The following PKN2 variants were observed in gnomAD, a reference collection of about 807,000 sequenced individuals.
PKN2 encodes serine/threonine-protein kinase N2.
PKN2 carries 38 observed loss-of-function variants against 119.1 expected under a neutral mutation model. The ratio of observed to expected loss-of-function variants is 0.32; its 90% CI spans 0.25 to 0.42. The LOEUF is 0.42. Ranked by LOEUF, PKN2 falls within the 10% of genes least tolerant of loss-of-function variation. The probability of loss-of-function intolerance (pLI) is 1.00; values close to 1 mark genes in which losing one functional copy is unlikely to be tolerated. For synonymous variants in PKN2, 390 were observed against 384.9 expected (o/e 1.01, Z -0.15); for missense variants, 850 against 1,165.1 (o/e 0.73, Z 3.94).
At chr1:88,795,556 T>C (rs1035353851) in intron 8 of PKN2, among the ~76,000 whole-genome samples, 4 of 152,230 alleles carry the variant, frequency 2.6e-5, no homozygotes, top group Admixed American at 1.3e-4. Context: ...AAAAACCTTA[T>C]GTATAGTGTC....
intron 1 of PKN2, among the ~76,000 whole-genome samples, chr1:88,737,476 G>C (rs1668400044): frequency 6.6e-6 from 1 of 151,872 alleles, no homozygotes; most frequent in Admixed American, 6.6e-5. Context: ...CACTCTCCAA[G>C]CTGTGCTGCC....
At chr1:88,798,014 A>G (rs561898929) in intron 8 of PKN2, among the ~76,000 whole-genome samples, 6 of 152,278 alleles carry the variant, frequency 3.9e-5, no homozygotes, top group Admixed American at 3.9e-4. Context: ...TTTAAGAAGA[A>G]TTTTTAAAAA....
chr1:88,819,402 C>A (rs1397312830), intron 16 of PKN2, among the ~76,000 whole-genome samples: 1 of 152,060 alleles, frequency 6.6e-6, no homozygotes, highest in Non-Finnish European at 1.5e-5. Context: ...ATCCAAAAAA[C>A]ATATGAAAAA....
intron 1 of PKN2, among the ~76,000 whole-genome samples, chr1:88,735,031 A>G (rs999984882): frequency 2.6e-5 from 4 of 152,202 alleles, no homozygotes; most frequent in Non-Finnish European, 5.9e-5. Context: ...TGCTTTATGT[A>G]TCACATTTAT....
intron 8 of PKN2, among the ~76,000 whole-genome samples, chr1:88,793,982 A>G (rs565870732): frequency 6.6e-6 from 1 of 152,284 alleles, no homozygotes; most frequent in South Asian, 2.1e-4. Context: ...ATAATATACC[A>G]CTATTTAAAC....
intron 8 of PKN2, among the ~76,000 whole-genome samples, chr1:88,792,032 GT>G (rs1016191513): frequency 1.3e-5 from 2 of 152,196 alleles, no homozygotes; most frequent in Non-Finnish European, 2.9e-5. Context: ...CTGAGATACT[GT>G]TTTTTAACTT....
At chr1:88,773,239 A>G (rs111762493) in intron 6 of PKN2, among the ~76,000 whole-genome samples, 5,939 of 147,288 alleles carry the variant, frequency 0.04, 257 homozygotes, top group African/African-American at 0.11. Context: ...TTTTTTTTTA[A>G]TTCATTTTTA....
chr1:88,804,735 G>T (rs1303013872), intron 9 of PKN2, 111 bp from the exon 10 acceptor site: 1 of 754,414 alleles, frequency 1.3e-6, no homozygotes, highest in Non-Finnish European at 2.2e-6. Context: ...AGAAAATGAG[G>T]GGCTGGACTA....
At chr1:88,704,311 T>C (rs1666889315) in intron 1 of PKN2, among the ~76,000 whole-genome samples, 1 of 152,226 alleles carries the variant, frequency 6.6e-6, no homozygotes, top group Non-Finnish European at 1.5e-5. Flanking sequence ...TGCTGCAGTA[T>C]GTATCGGTAG....
intron 2 of PKN2, among the ~76,000 whole-genome samples, chr1:88,748,165 A>T (rs895441260): frequency 6.6e-6 from 1 of 152,158 alleles, no homozygotes; most frequent in Non-Finnish European, 1.5e-5. Context: ...GAATTTTAAG[A>T]TGAATTCATC....
chr1:88,730,210 A>G (rs1203147804), intron 1 of PKN2, among the ~76,000 whole-genome samples: 3 of 152,156 alleles, frequency 2.0e-5, no homozygotes, highest in African/African-American at 7.2e-5. Flanking sequence ...AGGGCCCTAT[A>G]TGATCTTGCC....
intron 1 of PKN2, among the ~76,000 whole-genome samples, chr1:88,725,084 T>A (rs1011285369): frequency 6.6e-6 from 1 of 152,038 alleles, no homozygotes; most frequent in Non-Finnish European, 1.5e-5. Flanking sequence ...AGTAGCATGC[T>A]GTTTTGTGAA....
chr1:88,711,660 A>G (rs2100686550), intron 1 of PKN2, among the ~76,000 whole-genome samples: 1 of 152,282 alleles, frequency 6.6e-6, no homozygotes, highest in African/African-American at 2.4e-5. Flanking sequence ...ATGTATATGT[A>G]TTTGGAATGT....
chr1:88,808,684 C>A (rs1167214290), intron 15 of PKN2, among the ~76,000 whole-genome samples: 3 of 152,086 alleles, frequency 2.0e-5, no homozygotes, highest in Non-Finnish European at 4.4e-5. Flanking sequence ...AAATGACTAT[C>A]TTAATACAGA....
At chr1:88,696,588 A>G (rs369094207) in intron 1 of PKN2, among the ~76,000 whole-genome samples, 1 of 152,160 alleles carries the variant, frequency 6.6e-6, no homozygotes, top group African/African-American at 2.4e-5. Context: ...TCACAATTCT[A>G]AATTCTTAGA....
chr1:88,762,043 A>G (rs1194829894), intron 3 of PKN2, among the ~76,000 whole-genome samples: 3 of 152,038 alleles, frequency 2.0e-5, no homozygotes, highest in Non-Finnish European at 4.4e-5. Flanking sequence ...GGGTGGATGG[A>G]TTAGTTTGAG....
chr1:88,707,500 G>A (rs1288794550), intron 1 of PKN2, among the ~76,000 whole-genome samples: 2 of 151,940 alleles, frequency 1.3e-5, no homozygotes, highest in Non-Finnish European at 2.9e-5. Context: ...CACAAACAAT[G>A]GTATGACAAA....
chr1:88,743,043 T>C (rs1488978228), intron 2 of PKN2, among the ~76,000 whole-genome samples: 4 of 151,998 alleles, frequency 2.6e-5, no homozygotes, highest in Non-Finnish European at 4.4e-5. Flanking sequence ...ATACGAAAAT[T>C]AGTCGACGTG....
At chr1:88,814,871 A>G (rs1246130665) in intron 16 of PKN2, among the ~76,000 whole-genome samples, 1 of 152,218 alleles carries the variant, frequency 6.6e-6, no homozygotes. Context: ...CTGATGAAAT[A>G]GCAACTGACA....
Sources: allele counts gnomAD v4.1 joint callset (sites outside exome capture counted in the v4.1 genomes callset), GRCh38; gene constraint gnomAD v4.1.1; transcripts MANE v1.5; gene names NCBI Gene and HGNC (gene_info 2026-07-23, HGNC 2026-07-21).